Variants in CNTNAP2 observed in about 807,000 individuals in gnomAD.
CNTNAP2 encodes contactin-associated protein-like 2.
Under a neutral mutation model 155.2 loss-of-function variants are expected in CNTNAP2, and 98 were observed. That is an observed-to-expected ratio of 0.63 (90% CI 0.54 to 0.75). The LOEUF (loss-of-function observed/expected upper bound fraction) is 0.75, where lower values mean the gene tolerates loss of function less well. Ranked by LOEUF, CNTNAP2 falls within the 30% of genes least tolerant of loss-of-function variation. The pLI, the probability that CNTNAP2 is intolerant of heterozygous loss-of-function variation, is 0.00. For missense variants in CNTNAP2, 1,727 were observed against 1,688.1 expected, an observed-to-expected ratio of 1.02 and a Z score of -0.40; for synonymous variants, 651 against 631.2, an observed-to-expected ratio of 1.03 and a Z score of -0.47.
intron 3 of CNTNAP2, among the ~76,000 whole-genome samples, chr7:147,026,160 T>C (rs1171448386): frequency 6.6e-6 from 1 of 152,184 alleles, no homozygotes; most frequent in East Asian, 1.9e-4. Flanking sequence ...ACATCGTTTT[T>C]ATGGATTTCA....
chr7:146,474,936 T>C (rs1796852133), intron 1 of CNTNAP2, among the ~76,000 whole-genome samples: 1 of 152,156 alleles, frequency 6.6e-6, no homozygotes, highest in Non-Finnish European at 1.5e-5. Context: ...ACTTGTGTTC[T>C]CTGGAGCTTA....
At chr7:147,511,538 C>T (rs985552070) in intron 11 of CNTNAP2, among the ~76,000 whole-genome samples, 1 of 150,924 alleles carries the variant, frequency 6.6e-6, no homozygotes, top group Non-Finnish European at 1.5e-5. Context: ...AGTTTTATCC[C>T]AGATCTAGTA....
chr7:147,728,610 A>G (rs1796684305), intron 13 of CNTNAP2, among the ~76,000 whole-genome samples: 2 of 151,958 alleles, frequency 1.3e-5, no homozygotes. Flanking sequence ...CCTTTATTGC[A>G]TGATTAATAA....
intron 21 of CNTNAP2, among the ~76,000 whole-genome samples, chr7:148,295,544 T>C (rs1797264657): frequency 6.8e-6 from 1 of 147,794 alleles, no homozygotes; most frequent in African/African-American, 2.5e-5. Flanking sequence ...CAGGCGGGAG[T>C]GCTGTGGCGC....
chr7:146,346,219 C>G (rs1388626777), intron 1 of CNTNAP2, among the ~76,000 whole-genome samples: 1 of 152,146 alleles, frequency 6.6e-6, no homozygotes, highest in Non-Finnish European at 1.5e-5. Context: ...AGGAGGTGAG[C>G]AGCGGTGAGC....
chr7:147,549,808 C>G lies in CNTNAP2; in HGVS notation c.1778-12330C>G, dbSNP rs147717410. 2.4e-3 allele frequency among the ~76,000 whole-genome samples: 364 copies of G among 152,282 alleles called. 3 individuals are homozygous for G. The highest frequency in any genetic ancestry group is 8.3e-3 in the African/African-American group (345 of 41,550). On this transcript the variant is annotated intron_variant, in intron 11 of 23. Coordinates refer to ENST00000361727, the MANE Select transcript of CNTNAP2 (RefSeq NM_014141.6). ...GAGGAGTTAATTATCCACACCATGT[C>G]TTCTTTTCTTCCCCCATTTCTTATC... is the stretch of plus-strand genomic sequence containing the variant.
At chr7:147,519,421 A>C (rs1397248487) in intron 11 of CNTNAP2, among the ~76,000 whole-genome samples, 1 of 152,230 alleles carries the variant, frequency 6.6e-6, no homozygotes, top group Non-Finnish European at 1.5e-5. Context: ...TCCTACCTCA[A>C]GATCCTTAAC....
At chr7:148,353,940 T>G (rs1462155809) in intron 21 of CNTNAP2, among the ~76,000 whole-genome samples, 1 of 152,234 alleles carries the variant, frequency 6.6e-6, no homozygotes, top group East Asian at 1.9e-4. Flanking sequence ...GATTCTCATT[T>G]GAGTACACTC....
chr7:147,079,189 C>T (rs981767029), intron 4 of CNTNAP2, among the ~76,000 whole-genome samples: 13 of 152,190 alleles, frequency 8.5e-5, no homozygotes, highest in Non-Finnish European at 1.8e-4. Context: ...TTAATCCTCA[C>T]TAACTGTGCT....
At chr7:147,307,552 C>T (rs924385076) in intron 9 of CNTNAP2, among the ~76,000 whole-genome samples, 1 of 152,050 alleles carries the variant, frequency 6.6e-6, no homozygotes, top group African/African-American at 2.4e-5. Flanking sequence ...CCACTGCACT[C>T]CAGCCTGGGT....
chr7:147,834,321 G>A (rs1236397464), intron 13 of CNTNAP2, among the ~76,000 whole-genome samples: 1 of 152,120 alleles, frequency 6.6e-6, no homozygotes, highest in African/African-American at 2.4e-5. Context: ...CCTGCTGCTG[G>A]CTAAATCTTC....
intron 20 of CNTNAP2, among the ~76,000 whole-genome samples, chr7:148,260,107 G>A (rs980777629): frequency 6.6e-6 from 1 of 152,162 alleles, no homozygotes. Context: ...GTGGCCACCT[G>A]GCAATACGAG....
intron 18 of CNTNAP2, among the ~76,000 whole-genome samples, chr7:148,180,564 T>C (rs751662901): frequency 1.5e-4 from 23 of 151,710 alleles, no homozygotes; most frequent in Non-Finnish European, 3.1e-4. Context: ...AAAAAACAAA[T>C]TGAATAGGGA....
chr7:146,313,213 A>G lies in CNTNAP2; in HGVS notation c.97+196240A>G, dbSNP rs760351408. ...TTACCTTTTCTCCACATCCTTGCCA[A>G]TACTTGTTGGCATCAGTCGTTTTGA... On this transcript the variant is annotated intron_variant, in intron 1 of 23. Transcript: ENST00000361727. Among the ~76,000 whole-genome samples the G allele has an allele frequency of 2.6e-4, 40 of 152,180 alleles. 2 individuals are homozygous for G. The highest frequency in any genetic ancestry group is 2.0e-4 in the Admixed American group (3 of 15,282).
chr7:146,256,323 A>G (rs1438470265), intron 1 of CNTNAP2, among the ~76,000 whole-genome samples: 7 of 152,200 alleles, frequency 4.6e-5, no homozygotes, highest in African/African-American at 1.7e-4. Context: ...GGAACATATA[A>G]TAAAATGTTA....
chr7:148,302,466 C>G (rs745776951), intron 21 of CNTNAP2, among the ~76,000 whole-genome samples: 10 of 152,092 alleles, frequency 6.6e-5, no homozygotes, highest in Non-Finnish European at 1.0e-4. Context: ...AAAGCTGCAC[C>G]CATTCCTCCT....
chr7:147,865,161 C>T (rs1465678917), intron 13 of CNTNAP2, among the ~76,000 whole-genome samples: 1 of 152,086 alleles, frequency 6.6e-6, no homozygotes, highest in Non-Finnish European at 1.5e-5. Context: ...TGTCAAAGGC[C>T]TTTTCTGCAT....
intron 21 of CNTNAP2, among the ~76,000 whole-genome samples, chr7:148,333,226 G>A (rs1430862395): frequency 2.0e-5 from 3 of 152,096 alleles, no homozygotes; most frequent in African/African-American, 7.2e-5. Context: ...TCAGGAGTTC[G>A]AGACCAGCCT....
intron 15 of CNTNAP2, among the ~76,000 whole-genome samples, chr7:148,050,647 T>C (rs1414049655): frequency 6.6e-5 from 10 of 152,226 alleles, no homozygotes; most frequent in Non-Finnish European, 1.5e-4. Context: ...AACATTAGTG[T>C]ACAGTAATGT....
Sources: gnomAD v4.1 joint callset for allele counts (sites outside exome capture counted in the v4.1 genomes callset) on GRCh38, gnomAD v4.1.1 for gene constraint, MANE v1.5 for transcripts, NCBI Gene and HGNC (gene_info 2026-07-23, HGNC 2026-07-21) for gene names.